The following CSMD1 variants were observed in gnomAD, a reference collection of about 807,000 sequenced individuals.
CSMD1 encodes the protein CUB and sushi domain-containing protein 1.
A neutral mutation model predicts 417.5 loss-of-function variants in CSMD1; 213 were observed. The ratio of observed to expected loss-of-function variants is 0.51; its 90% CI spans 0.46 to 0.57. The LOEUF is 0.57. Among genes scored for constraint, CSMD1 ranks in the 20% least tolerant of loss-of-function variants. The pLI, the probability that CSMD1 is intolerant of heterozygous loss-of-function variation, is 0.00. For missense variants in CSMD1, 6,923 were observed against 4,529.7 expected (o/e 1.53, Z -15.17); for synonymous variants, 2,862 against 1,736.8 (o/e 1.65, Z -16.11).
intron 3 of CSMD1, among the ~76,000 whole-genome samples, chr8:4,240,776 T>G (rs1802351636): frequency 6.6e-6 from 1 of 152,202 alleles, no homozygotes; most frequent in African/African-American, 2.4e-5. Flanking sequence ...TTTCTTATAA[T>G]AAAAGTGACA....
intron 3 of CSMD1, among the ~76,000 whole-genome samples, chr8:4,374,377 G>C (rs1457854496): frequency 1.3e-5 from 2 of 152,218 alleles, no homozygotes; most frequent in South Asian, 4.2e-4. Context: ...GGGGATATCA[G>C]TAATAATAAA....
chr8:3,616,666 C>A, intron 8 of CSMD1, 44 bp downstream of exon 8: 1 of 1,283,408 alleles, frequency 7.8e-7, no homozygotes, highest in South Asian at 1.2e-5. Flanking sequence ...TAATATATGT[C>A]TTAAAAATAA....
intron 50 of CSMD1, among the ~76,000 whole-genome samples, chr8:3,035,569 T>A (rs1452666912): frequency 2.6e-5 from 4 of 152,214 alleles, no homozygotes; most frequent in African/African-American, 4.8e-5. Flanking sequence ...GTTTCAGGAA[T>A]TGAATCGACA....
chr8:4,052,290 T>G (rs113124371), intron 3 of CSMD1, among the ~76,000 whole-genome samples: 1 of 152,174 alleles, frequency 6.6e-6, no homozygotes, highest in Admixed American at 6.5e-5. Flanking sequence ...TGGCAAAAGA[T>G]TAGAGAAGAA....
At chr8:3,005,601 T>C (rs1807823236) in intron 52 of CSMD1, among the ~76,000 whole-genome samples, 1 of 152,178 alleles carries the variant, frequency 6.6e-6, no homozygotes, top group African/African-American at 2.4e-5. Context: ...ATCCCTGGGA[T>C]GCAAGGCTGG....
At position 4,183,217 on chromosome 8, in the gene CSMD1, G is replaced by C. The variant is rs553647440; in HGVS notation, c.416-151118C>G. On this transcript the variant is annotated intron_variant, in intron 3 of 69. Coordinates refer to ENST00000635120, the MANE Select transcript of CSMD1 (RefSeq NM_033225.6). ...GGAAAAAATGGGTATACAGAGTTTG[G>C]AAAATGGAGAAGATCATCTCTAAGA... Among the ~76,000 whole-genome samples the C allele has an allele frequency of 1.1e-4, 16 of 152,200 alleles. No homozygotes were observed. In the East Asian group the frequency reaches 2.5e-3, roughly 24 times the overall value.
Position 3,396,214 on chromosome 8 carries a change from C to T in CSMD1, c.2573G>A (p.Gly858Asp). ...FTTDNSRSSIGFLIHYESVTL... is the reference protein window; with the variant it reads ...FTTDNSRSSIDFLIHYESVTL... ...CTCACTCTCATAGTGGATGAGGAAG[C>T]CGATGCTGGAGCGGCTGTTGTCAGT... is the stretch of plus-strand genomic sequence containing the variant. Residue 858 changes from glycine (G) to aspartate (D), a missense_variant, in exon 17 of 70, where the codon GGC becomes GAC. Transcript: ENST00000635120. 3 of 1,564,330 alleles carry T rather than the reference C, an allele frequency of 1.9e-6. No individual in the cohort carries two copies. Among genetic ancestry groups the T allele is most frequent in the Non-Finnish European group, 2.6e-6 (3 of 1,154,342 alleles).
intron 2 of CSMD1, among the ~76,000 whole-genome samples, chr8:4,583,275 T>C (rs1459180628): frequency 6.6e-6 from 1 of 152,070 alleles, no homozygotes; most frequent in East Asian, 1.9e-4. Context: ...ACCCACCGAG[T>C]GAAGCCAGCT....
chr8:4,272,314 A>G (rs1260314699), intron 3 of CSMD1, among the ~76,000 whole-genome samples: 1 of 152,188 alleles, frequency 6.6e-6, no homozygotes, highest in African/African-American at 2.4e-5. Flanking sequence ...TGCCAATGTC[A>G]TAACAAAACT....
In CSMD1 at chr8:3,838,682, G is replaced by T. The variant is rs1223690412; in HGVS notation, c.819-84640C>A. ...ATATATAATAAATTAATATTATATA[G>T]TATAATATATAATAAATATTATATA... On this transcript the variant is annotated intron_variant, in intron 5 of 69. Transcript: ENST00000635120. Among the ~76,000 whole-genome samples, 16 of 69,366 alleles carry T rather than the reference G, an allele frequency of 2.3e-4. 1 individual carries two copies. Among genetic ancestry groups the T allele is most frequent in the Admixed American group, 3.9e-4 (2 of 5,104 alleles). The allele number at this position is 69,366 out of a possible 152,430, so 45.5% of individuals were successfully genotyped here.
At chr8:3,226,923 C>T (rs1179722866) in intron 27 of CSMD1, among the ~76,000 whole-genome samples, 2 of 151,188 alleles carry the variant, frequency 1.3e-5, no homozygotes, top group Non-Finnish European at 2.9e-5. Flanking sequence ...ATTCAAACAG[C>T]CAATAAGCAT....
chr8:3,922,708 T>C (rs1041403091), intron 5 of CSMD1, among the ~76,000 whole-genome samples: 2 of 152,222 alleles, frequency 1.3e-5, no homozygotes, highest in Admixed American at 6.5e-5. Context: ...TTGATATTAC[T>C]ATCTACATCT....
intron 3 of CSMD1, among the ~76,000 whole-genome samples, chr8:4,138,606 A>C (rs937247943): frequency 2.1e-5 from 3 of 144,942 alleles, no homozygotes; most frequent in Non-Finnish European, 4.6e-5. Context: ...AGAAAGCAAA[A>C]CAAAAAAAAT....
At chr8:3,285,346 T>C (rs1452370616) in intron 25 of CSMD1, among the ~76,000 whole-genome samples, 5 of 151,998 alleles carry the variant, frequency 3.3e-5, no homozygotes, top group Non-Finnish European at 7.4e-5. Context: ...TAGCAGATAG[T>C]AGATCTTTAT....
intron 1 of CSMD1, among the ~76,000 whole-genome samples, chr8:4,776,474 G>C (rs1796857558): frequency 6.6e-6 from 1 of 152,164 alleles, no homozygotes; most frequent in African/African-American, 2.4e-5. Context: ...CAGAGAACAA[G>C]AAGCAGAGTT....
intron 18 of CSMD1, among the ~76,000 whole-genome samples, chr8:3,378,991 G>T (rs560993094): frequency 6.6e-6 from 1 of 152,258 alleles, no homozygotes; most frequent in South Asian, 2.1e-4. Context: ...TGTATATTTA[G>T]AAAACCCCAT....
chr8:4,836,310 C>T (rs7828238), intron 1 of CSMD1, among the ~76,000 whole-genome samples: 137,145 of 151,994 alleles, frequency 0.9, 62,355 homozygotes, highest in East Asian at 0.98. Flanking sequence ...TGTTAATTAA[C>T]ACACTTTAGC....
intron 5 of CSMD1, among the ~76,000 whole-genome samples, chr8:3,771,985 T>C (rs1798597580): frequency 6.6e-6 from 1 of 151,850 alleles, no homozygotes; most frequent in Non-Finnish European, 1.5e-5. Context: ...TTTATCCAAT[T>C]CTGGGCTGGT....
At chr8:4,817,072 A>ATGTATATACAACTTTATTATG (rs1799250375) in intron 1 of CSMD1, among the ~76,000 whole-genome samples, 1 of 152,184 alleles carries the variant, frequency 6.6e-6, no homozygotes, top group African/African-American at 2.4e-5. Context: ...GAACTAGACC[A>ATGTATATACAACTTTATTATG]TGTATATACA....
Sources: allele counts gnomAD v4.1 joint callset (sites outside exome capture counted in the v4.1 genomes callset), GRCh38; gene constraint gnomAD v4.1.1; transcripts MANE v1.5; gene names NCBI Gene and HGNC (gene_info 2026-07-23, HGNC 2026-07-21).